KDM4C: variants seen among roughly 807,000 people sequenced by gnomAD.
The protein encoded by KDM4C is lysine demethylase 4C.
KDM4C carries 81 observed loss-of-function variants against 129.3 expected under a neutral mutation model. The ratio of observed to expected loss-of-function variants is 0.63; its 90% CI spans 0.52 to 0.75. KDM4C has a LOEUF of 0.75. Among genes scored for constraint, KDM4C ranks in the 30% least tolerant of loss-of-function variants. The pLI, the probability that KDM4C is intolerant of heterozygous loss-of-function variation, is 0.00. For synonymous variants in KDM4C, 573 were observed against 456.1 expected (o/e 1.26, Z -3.26); for missense variants, 1,457 against 1,304.0 (o/e 1.12, Z -1.81).
At chr9:7,089,252 T>C (rs1162327109) in intron 17 of KDM4C, among the ~76,000 whole-genome samples, 1 of 92,944 alleles carries the variant, frequency 1.1e-5, no homozygotes, top group African/African-American at 4.8e-5. Context: ...TTTATTTTAT[T>C]TTTTTTGCAG....
rs77067196 is a variant in KDM4C, at chr9:7,078,296, A to T, written c.2425-25389A>T. Among the ~76,000 whole-genome samples, 1,171 of 152,244 alleles carry T rather than the reference A, an allele frequency of 7.7e-3. 9 individuals are homozygous for T. The highest frequency in any genetic ancestry group is 0.012 in the Non-Finnish European group (836 of 68,008). ...AAAATATTAAATCAGATAAAATGTT[A>T]TTTAAACACCATAGTTTTTTATATA... On this transcript the variant is annotated intron_variant, in intron 17 of 21. Coordinates refer to ENST00000381309, the MANE Select transcript of KDM4C (RefSeq NM_015061.6).
chr9:6,786,809 C>T lies in KDM4C; in HGVS notation c.-17-6163C>T, dbSNP rs1043062248. 6.6e-5 allele frequency among the ~76,000 whole-genome samples: 10 copies of T among 152,140 alleles called. No homozygotes were observed. The Middle Eastern group carries it at 0.014, about 207-fold the overall frequency. The stretch of plus-strand genomic sequence containing the variant: ...TAAATGTAATGAATGTAAGTAGGCA[C>T]CTCCCAGAAAAAGAAATGCAAATGG... On this transcript the variant is annotated intron_variant, in intron 1 of 21. Coordinates refer to ENST00000381309, the MANE Select transcript of KDM4C (RefSeq NM_015061.6).
intron 1 of KDM4C, among the ~76,000 whole-genome samples, chr9:6,747,237 A>G (rs1232457319): frequency 6.7e-6 from 1 of 150,332 alleles, no homozygotes; most frequent in Admixed American, 6.7e-5. Flanking sequence ...AAAGAACCTG[A>G]GAACAATTTA....
At chr9:7,104,147 G>C in intron 18 of KDM4C, 1 of 386,396 alleles carries the variant, frequency 2.6e-6, no homozygotes, top group South Asian at 3.1e-5. Context: ...TGCCTGTTCT[G>C]GTGTTGGATC....
chr9:6,898,972 T>A (rs1348117302), intron 8 of KDM4C, among the ~76,000 whole-genome samples: 2 of 152,180 alleles, frequency 1.3e-5, no homozygotes, highest in African/African-American at 4.8e-5. Flanking sequence ...ATTGTTCATT[T>A]TAACAGTTCT....
chr9:6,825,210 A>G (rs868678932), intron 4 of KDM4C, among the ~76,000 whole-genome samples: 3 of 151,850 alleles, frequency 2.0e-5, no homozygotes, highest in Non-Finnish European at 2.9e-5. Context: ...TTAATCTGTT[A>G]TAAAGTCATA....
chr9:6,934,183 G>A (rs897971565), intron 8 of KDM4C, among the ~76,000 whole-genome samples: 1 of 151,346 alleles, frequency 6.6e-6, no homozygotes, highest in Non-Finnish European at 1.5e-5. Flanking sequence ...AAAAATCACT[G>A]TAAAAATTAA....
At chr9:7,014,038 C>A in intron 14 of KDM4C, 37 bp downstream of exon 14, 1 of 1,520,602 alleles carries the variant, frequency 6.6e-7, no homozygotes, top group South Asian at 1.2e-5. Flanking sequence ...ACTGGCTTTT[C>A]AGCATTTCAC....
At chr9:6,755,729 A>G (rs1273928280), upstream of KDM4C, among the ~76,000 whole-genome samples, 1 of 152,222 alleles carries the variant, frequency 6.6e-6, no homozygotes, top group Non-Finnish European at 1.5e-5. Context: ...TAAAAAATTT[A>G]CTATATGGCT....
At chr9:7,052,265 A>G (rs1230416577) in intron 17 of KDM4C, among the ~76,000 whole-genome samples, 1 of 152,236 alleles carries the variant, frequency 6.6e-6, no homozygotes, top group African/African-American at 2.4e-5. Context: ...TTAACAATTT[A>G]ACATTACCTG....
intron 4 of KDM4C, among the ~76,000 whole-genome samples, chr9:6,836,948 G>C (rs1170286807): frequency 6.6e-6 from 1 of 152,056 alleles, no homozygotes; most frequent in Admixed American, 6.5e-5. Context: ...TTTCTCAAAG[G>C]TATTTACGTA....
chr9:6,927,509 G>A (rs1434096598), intron 8 of KDM4C, among the ~76,000 whole-genome samples: 1 of 152,140 alleles, frequency 6.6e-6, no homozygotes, highest in Non-Finnish European at 1.5e-5. Context: ...GACCTGTGGT[G>A]ATAATGGAAT....
At chr9:6,776,761 CCGGG>C in intron 1 of KDM4C, among the ~76,000 whole-genome samples, 1 of 151,842 alleles carries the variant, frequency 6.6e-6, no homozygotes, top group Admixed American at 6.6e-5. Context: ...ACCACCACGC[CCGGG>C]TAATTTTTGT....
chr9:6,805,464 CTTT>C (rs373482627), intron 2 of KDM4C, 132 bp from the exon 3 acceptor site: 1,847 of 456,344 alleles, frequency 4.0e-3, no homozygotes, highest in Middle Eastern at 8.1e-3. Context: ...AAATATTCAT[CTTT>C]TTTTTTTTTT....
chr9:6,854,525 C>CAAAAAAAAAAAAAA (rs1177446839), intron 5 of KDM4C, among the ~76,000 whole-genome samples: 110 of 41,120 alleles, frequency 2.7e-3, no homozygotes, highest in Non-Finnish European at 4.1e-3. Flanking sequence ...AACTCCGTCT[C>CAAAAAAAAAAAAAA]AAAAAAAAAA....
intron 5 of KDM4C, among the ~76,000 whole-genome samples, chr9:6,873,911 A>AGAGC (rs1843154836): frequency 6.8e-6 from 1 of 146,690 alleles, no homozygotes; most frequent in South Asian, 2.2e-4. Context: ...GGCGAGAGAG[A>AGAGC]GAGCGAGAGA....
chr9:6,802,604 C>T (rs1216411481), intron 2 of KDM4C, among the ~76,000 whole-genome samples: 1 of 152,190 alleles, frequency 6.6e-6, no homozygotes, highest in Non-Finnish European at 1.5e-5. Context: ...ACTTCAGCTA[C>T]ATAGGCTGTT....
At chr9:6,817,821 C>T (rs1280613988) in intron 4 of KDM4C, among the ~76,000 whole-genome samples, 1 of 132,724 alleles carries the variant, frequency 7.5e-6, no homozygotes, top group Non-Finnish European at 1.5e-5. Flanking sequence ...GGCTGGAGTG[C>T]AGTGGCGCTA....
Position 6,984,268 on chromosome 9 carries a change from C to A in KDM4C, c.1218C>A (p.Val406=). The A allele has an allele frequency of 6.2e-7, 1 of 1,613,868 alleles. No homozygotes were observed. The highest frequency in any genetic ancestry group is 1.1e-5 in the South Asian group (1 of 91,028). ...CAGAGGTCCCTAACCCCGACTCAGT[C>A]ACAGATGACCTCAAGGTCAGTGAAA... The part of the protein sequence containing the change: ...DGAEVPNPDS[V]TDDLKVSEKS... The change falls in exon 10 of 22, where the codon GTC becomes GTA. Residue 406 remains valine, a synonymous_variant. Coordinates refer to ENST00000381309, the MANE Select transcript of KDM4C (RefSeq NM_015061.6).
Sources: gnomAD v4.1 joint callset for allele counts (sites outside exome capture counted in the v4.1 genomes callset) on GRCh38, gnomAD v4.1.1 for gene constraint, MANE v1.5 for transcripts, NCBI Gene and HGNC (gene_info 2026-07-23, HGNC 2026-07-21) for gene names.